The following ARHGEF6 variants were observed in gnomAD, a reference collection of about 807,000 sequenced individuals.
ARHGEF6 encodes the protein Rac/Cdc42 guanine nucleotide exchange factor 6.
ARHGEF6 carries 9 observed loss-of-function variants against 70.3 expected under a neutral mutation model. The observed-to-expected ratio is 0.13, with a 90% CI of 0.08 to 0.22. ARHGEF6 has a LOEUF of 0.22. Among genes scored for constraint, ARHGEF6 ranks in the 10% least tolerant of loss-of-function variants. The probability of loss-of-function intolerance (pLI) is 1.00; values close to 1 mark genes in which losing one functional copy is unlikely to be tolerated. For synonymous variants in ARHGEF6, 201 were observed against 207.8 expected (o/e 0.97, Z 0.28); for missense variants, 470 against 563.0 (o/e 0.83, Z 1.67).
chrX:136,764,104 G>A (rs1265717880), intron 2 of ARHGEF6, among the ~76,000 whole-genome samples: 1 of 110,372 alleles, frequency 9.1e-6, no homozygotes, highest in African/African-American at 3.3e-5. Context: ...GTTGCTGAAC[G>A]CTGGATAAAC....
At chrX:136,674,920 C>G (rs185192546) in intron 19 of ARHGEF6, 87 bp downstream of exon 19, 11,862 of 869,482 alleles carry the variant, frequency 0.014, 76 homozygotes, top group Middle Eastern at 0.023. Context: ...TGCAACCCAT[C>G]CGGGTTGCTT....
chrX:136,678,701 G>A (rs749867378), intron 16 of ARHGEF6, among the ~76,000 whole-genome samples: 3 of 111,596 alleles, frequency 2.7e-5, no homozygotes, highest in South Asian at 7.4e-4. Context: ...CAAAACACAC[G>A]TTTGATATAG....
At chrX:136,714,304 G>A (rs2076715683) in intron 6 of ARHGEF6, among the ~76,000 whole-genome samples, 1 of 111,495 alleles carries the variant, frequency 9.0e-6, no homozygotes, top group Middle Eastern at 4.6e-3. Context: ...TGTAAATGAC[G>A]GGTTGATGGG....
intron 6 of ARHGEF6, among the ~76,000 whole-genome samples, chrX:136,729,136 G>C (rs927336800): frequency 1.0e-5 from 1 of 100,196 alleles, no homozygotes; most frequent in Admixed American, 1.1e-4. Context: ...AATAAAGGGA[G>C]CCCTGGGCTG....
intron 18 of ARHGEF6, among the ~76,000 whole-genome samples, chrX:136,676,264 C>T (rs891634936): frequency 6.3e-5 from 7 of 111,923 alleles, no homozygotes; most frequent in East Asian, 2.8e-4. Flanking sequence ...CTTCAGCCTT[C>T]GGGTCTATTT....
chrX:136,670,462 C>T (rs1296909746), intron 20 of ARHGEF6, among the ~76,000 whole-genome samples: 5 of 111,528 alleles, frequency 4.5e-5, no homozygotes, highest in East Asian at 2.8e-4. Flanking sequence ...GCAGAGCCCA[C>T]GCATGCAGAG....
chrX:136,758,923 A>G (rs765566237), intron 2 of ARHGEF6, among the ~76,000 whole-genome samples: 11 of 111,913 alleles, frequency 9.8e-5, no homozygotes, highest in Admixed American at 2.8e-4. Flanking sequence ...TTAAGATGAG[A>G]AATAAAAAGA....
intron 6 of ARHGEF6, among the ~76,000 whole-genome samples, chrX:136,723,411 G>T (rs1294811182): frequency 9.0e-6 from 1 of 111,727 alleles, no homozygotes; most frequent in African/African-American, 3.3e-5. Context: ...CTTATGCAGG[G>T]TCATGGCCCT....
chrX:136,720,247 G>C (rs1273797309), intron 6 of ARHGEF6, among the ~76,000 whole-genome samples: 1 of 111,463 alleles, frequency 9.0e-6, no homozygotes, highest in African/African-American at 3.3e-5. Flanking sequence ...CAAAATATTA[G>C]CAAATAAAAT....
intron 8 of ARHGEF6, 135 bp from the exon 9 acceptor site, chrX:136,707,165 C>T (rs752379711): frequency 2.6e-6 from 2 of 754,956 alleles, no homozygotes; most frequent in African/African-American, 2.1e-5. Flanking sequence ...TATATTATAA[C>T]CATTTTACCC....
chrX:136,715,653 G>A (rs1004137266), intron 6 of ARHGEF6, among the ~76,000 whole-genome samples: 2 of 110,312 alleles, frequency 1.8e-5, no homozygotes, highest in Middle Eastern at 4.2e-3. Flanking sequence ...AACCTACACT[G>A]TAATTGACAA....
intron 15 of ARHGEF6, among the ~76,000 whole-genome samples, chrX:136,680,400 T>C (rs746155560): frequency 6.2e-5 from 7 of 112,466 alleles, no homozygotes; most frequent in African/African-American, 2.3e-4. Context: ...CCACTGTTAG[T>C]AGGAGAATAA....
intron 11 of ARHGEF6, among the ~76,000 whole-genome samples, chrX:136,686,681 CAT>C (rs746889104): frequency 0.032 from 1,803 of 56,345 alleles, 25 homozygotes; most frequent in African/African-American, 0.05. Flanking sequence ...TATATATACA[CAT>C]ATATATATAT....
intron 2 of ARHGEF6, among the ~76,000 whole-genome samples, chrX:136,759,410 G>T (rs754948369): frequency 1.8e-5 from 2 of 111,063 alleles, no homozygotes; most frequent in Non-Finnish European, 3.8e-5. Flanking sequence ...GAGGCCGAGG[G>T]GGGCGGATCA....
intron 2 of ARHGEF6, among the ~76,000 whole-genome samples, chrX:136,776,288 C>A (rs748740584): frequency 1.8e-5 from 2 of 111,995 alleles, no homozygotes; most frequent in African/African-American, 3.2e-5. Context: ...CGACTTCAAA[C>A]TATACTACAA....
At chrX:136,685,199 T>G (rs1767631791) in intron 12 of ARHGEF6, among the ~76,000 whole-genome samples, 1 of 111,647 alleles carries the variant, frequency 9.0e-6, no homozygotes, top group Non-Finnish European at 1.9e-5. Flanking sequence ...CTTTTGTTTT[T>G]GTGCCCCCTC....
chrX:136,747,768 C>T (rs928969653), intron 2 of ARHGEF6, among the ~76,000 whole-genome samples, 176 bp from the exon 3 acceptor site: 2 of 107,779 alleles, frequency 1.9e-5, no homozygotes, highest in African/African-American at 3.4e-5. Flanking sequence ...GCAGTTGAGC[C>T]GCCTAATGAC....
chrX:136,731,656 C>G (rs2076936468), intron 6 of ARHGEF6, among the ~76,000 whole-genome samples: 1 of 112,244 alleles, frequency 8.9e-6, no homozygotes, highest in Non-Finnish European at 1.9e-5. Flanking sequence ...CTTTTGGGCT[C>G]TCTTTAAAGG....
chrX:136,697,606 A>G (rs2076526392), intron 9 of ARHGEF6, among the ~76,000 whole-genome samples: 1 of 112,418 alleles, frequency 8.9e-6, no homozygotes, highest in South Asian at 3.6e-4. Flanking sequence ...CTCTGCTAAG[A>G]CCACTGTCAT....
Sources: gnomAD v4.1 joint callset for allele counts (sites outside exome capture counted in the v4.1 genomes callset) on GRCh38, gnomAD v4.1.1 for gene constraint, MANE v1.5 for transcripts, NCBI Gene and HGNC (gene_info 2026-07-23, HGNC 2026-07-21) for gene names.